GPM6B: variants seen among roughly 807,000 people sequenced by gnomAD.
GPM6B encodes the protein neuronal membrane glycoprotein M6-b.
A neutral mutation model predicts 27.2 loss-of-function variants in GPM6B; 4 were observed. The observed-to-expected ratio is 0.15, with a 90% CI of 0.07 to 0.34. GPM6B has a LOEUF of 0.34. Among genes scored for constraint, GPM6B ranks in the 10% least tolerant of loss-of-function variants. The pLI, the probability that GPM6B is intolerant of heterozygous loss-of-function variation, is 1.00. For synonymous variants in GPM6B, 124 were observed against 103.1 expected (o/e 1.20, Z -1.23); for missense variants, 183 against 261.9 (o/e 0.70, Z 2.08).
At chrX:13,775,517 T>C (rs1386538920) in intron 7 of GPM6B, among the ~76,000 whole-genome samples, 1 of 112,647 alleles carries the variant, frequency 8.9e-6, no homozygotes, top group African/African-American at 3.2e-5. Context: ...AGTGCTGCAG[T>C]GCTGTCTAGA....
At chrX:13,879,894 G>A (rs1180111514) in intron 1 of GPM6B, among the ~76,000 whole-genome samples, 1 of 111,706 alleles carries the variant, frequency 9.0e-6, no homozygotes, top group Non-Finnish European at 1.9e-5. Flanking sequence ...TGATGCTGAT[G>A]TTGCTCGTCC....
chrX:13,863,531 T>C (rs996895206), intron 1 of GPM6B, among the ~76,000 whole-genome samples: 7 of 111,893 alleles, frequency 6.3e-5, no homozygotes, highest in Non-Finnish European at 1.3e-4. Flanking sequence ...AGAGTAGTTA[T>C]TCAGATACCA....
intron 1 of GPM6B, among the ~76,000 whole-genome samples, chrX:13,880,327 T>C (rs1360325693): frequency 9.0e-6 from 1 of 111,277 alleles, no homozygotes; most frequent in Non-Finnish European, 1.9e-5. Context: ...CAGATAGTAG[T>C]GGTCGTCTCT....
At chrX:13,937,802 C>T (rs1443467116) in intron 1 of GPM6B, among the ~76,000 whole-genome samples, 3 of 111,444 alleles carry the variant, frequency 2.7e-5, no homozygotes, top group Non-Finnish European at 5.7e-5. Flanking sequence ...GATTTTAACC[C>T]TCCGGAGCTG....
chrX:13,783,709 T>C, intron 3 of GPM6B, 188 bp from the exon 4 acceptor site: 1 of 461,069 alleles, frequency 2.2e-6, no homozygotes, highest in East Asian at 3.8e-5. Context: ...AACCTGGGCC[T>C]TCCTTCCAAG....
Position 13,844,986 on chromosome X carries a change from C to CT in GPM6B, c.-197-59179dup, listed in dbSNP as rs200629548. 1.6e-3 allele frequency among the ~76,000 whole-genome samples: 158 copies of CT among 98,212 alleles called. 4 individuals are homozygous for CT. The highest frequency in any genetic ancestry group is 9.5e-3 in the East Asian group (25 of 2,632). 85.3% of individuals were successfully genotyped at this position (98,212 alleles called of 115,157 possible). A position where few individuals can be genotyped will look rare whatever the true frequency, so the allele number is the denominator to read the frequency against. On this transcript the variant is annotated intron_variant, in intron 1 of 6. Coordinates refer to the GPM6B transcript ENST00000398361. ...TTTATTTATTTTCAGAACGTTTTTT[C>CT]TTTTTCTTTTTTTTTTTTTTTGAGA... is the stretch of plus-strand genomic sequence containing the variant.
At chrX:13,900,525 C>A (rs1243903324) in intron 1 of GPM6B, among the ~76,000 whole-genome samples, 1 of 110,701 alleles carries the variant, frequency 9.0e-6, no homozygotes, top group Non-Finnish European at 1.9e-5. Context: ...GAGGTTGTGC[C>A]ACGTGCGTGT....
intron 3 of GPM6B, among the ~76,000 whole-genome samples, chrX:13,784,997 C>T (rs940629179): frequency 1.8e-5 from 2 of 111,601 alleles, no homozygotes; most frequent in Admixed American, 9.5e-5. Context: ...GGGAACAACA[C>T]AATTCTGTTG....
upstream of GPM6B, among the ~76,000 whole-genome samples, chrX:13,821,308 C>T (rs1039852925): frequency 3.6e-5 from 4 of 112,322 alleles, no homozygotes; most frequent in African/African-American, 1.3e-4. Flanking sequence ...TGTTTTTAAC[C>T]TGGCAAGATC....
At chrX:13,922,692 T>C (rs764880294) in intron 1 of GPM6B, among the ~76,000 whole-genome samples, 5 of 112,201 alleles carry the variant, frequency 4.5e-5, no homozygotes, top group African/African-American at 6.5e-5. Flanking sequence ...TACCACCACT[T>C]TTACTCAAAT....
At chrX:13,931,291 G>C (rs1041524045) in intron 1 of GPM6B, among the ~76,000 whole-genome samples, 1 of 110,770 alleles carries the variant, frequency 9.0e-6, no homozygotes, top group Non-Finnish European at 1.9e-5. Flanking sequence ...CGGATCACAA[G>C]GTCAGGCTAT....
intron 1 of GPM6B, among the ~76,000 whole-genome samples, chrX:13,876,515 C>A (rs749853830): frequency 2.2e-4 from 25 of 112,021 alleles, no homozygotes; most frequent in Non-Finnish European, 4.5e-4. Context: ...AGCCCTGCTG[C>A]AGTAGATAAT....
intron 1 of GPM6B, among the ~76,000 whole-genome samples, chrX:13,824,760 T>C (rs765611090): frequency 2.2e-4 from 25 of 111,959 alleles, no homozygotes; most frequent in African/African-American, 6.8e-4. Context: ...GTGAGTCCCA[T>C]AGGGAACTGG....
intron 2 of GPM6B, among the ~76,000 whole-genome samples, chrX:13,796,615 A>G (rs2048821024): frequency 1.8e-5 from 2 of 112,431 alleles, no homozygotes; most frequent in African/African-American, 3.2e-5. Flanking sequence ...CCTGGACATA[A>G]AAGTTCAACT....
At chrX:13,819,263 T>C (rs950379962), upstream of GPM6B, among the ~76,000 whole-genome samples, 3 of 112,605 alleles carry the variant, frequency 2.7e-5, no homozygotes, top group Non-Finnish European at 5.6e-5. Flanking sequence ...ATTACCATTA[T>C]ATCACTTTAT....
chrX:13,805,979 G>T (rs1396623651), intron 2 of GPM6B, among the ~76,000 whole-genome samples: 1 of 108,806 alleles, frequency 9.2e-6, no homozygotes, highest in Non-Finnish European at 1.9e-5. Context: ...ACATCTCATG[G>T]TTTTTTTTGC....
intron 1 of GPM6B, among the ~76,000 whole-genome samples, chrX:13,931,541 G>C (rs749783231): frequency 8.2e-5 from 9 of 110,380 alleles, no homozygotes; most frequent in Non-Finnish European, 1.5e-4. Context: ...ATTAATAATC[G>C]AGTAAATAAA....
At chrX:13,921,582 T>C (rs375740220) in intron 1 of GPM6B, among the ~76,000 whole-genome samples, 88 of 16,715 alleles carry the variant, frequency 5.3e-3, no homozygotes, top group Non-Finnish European at 8.4e-3. Flanking sequence ...ACCCCCCCCC[T>C]TTTTTTTTTT....
At chrX:13,840,426 G>A (rs765791772) in intron 1 of GPM6B, among the ~76,000 whole-genome samples, 4 of 111,620 alleles carry the variant, frequency 3.6e-5, no homozygotes, top group South Asian at 7.6e-4. Flanking sequence ...CTGACACCAC[G>A]CGCCTGACAT....
Sources: allele counts gnomAD v4.1 joint callset (sites outside exome capture counted in the v4.1 genomes callset), GRCh38; gene constraint gnomAD v4.1.1; transcripts MANE v1.5; gene names NCBI Gene and HGNC (gene_info 2026-07-23, HGNC 2026-07-21).